MIPEP: variants seen among roughly 807,000 people sequenced by gnomAD.
The protein encoded by MIPEP is mitochondrial intermediate peptidase.
MIPEP carries 79 observed loss-of-function variants against 90.3 expected under a neutral mutation model. The ratio of observed to expected loss-of-function variants is 0.87; its 90% CI spans 0.73 to 1.05. The LOEUF (loss-of-function observed/expected upper bound fraction) is 1.05. MIPEP is among the 50% of genes least tolerant of loss of function. The pLI, the probability that MIPEP is intolerant of heterozygous loss-of-function variation, is 0.00. For missense variants in MIPEP, 940 were observed against 905.6 expected (o/e 1.04, Z -0.49); for synonymous variants, 334 against 315.8 (o/e 1.06, Z -0.61).
intron 14 of MIPEP, among the ~76,000 whole-genome samples, chr13:23,818,367 A>G (rs900127396): frequency 6.6e-6 from 1 of 152,220 alleles, no homozygotes; most frequent in African/African-American, 2.4e-5. Context: ...TAGAGGATGC[A>G]GTGTGACAAG....
intron 16 of MIPEP, among the ~76,000 whole-genome samples, chr13:23,778,589 T>C (rs28627559): frequency 6.6e-5 from 10 of 152,306 alleles, no homozygotes; most frequent in South Asian, 2.1e-4. Flanking sequence ...TTGGTCTATT[T>C]GTTTTTCTTG....
intron 18 of MIPEP, among the ~76,000 whole-genome samples, 158 bp from the exon 19 acceptor site, chr13:23,730,603 G>T (rs1952194360): frequency 6.6e-6 from 1 of 152,208 alleles, no homozygotes; most frequent in South Asian, 2.1e-4. Context: ...AAAGTCATGG[G>T]CAGTGTGTGG....
chr13:23,822,059 T>C (rs1224143774), intron 14 of MIPEP, among the ~76,000 whole-genome samples: 3 of 152,160 alleles, frequency 2.0e-5, no homozygotes, highest in African/African-American at 7.2e-5. Flanking sequence ...GAAAAGCAAT[T>C]ACCCTAACAA....
Position 23,864,197 on chromosome 13 carries a change from G to A in MIPEP, c.944-8C>T, listed in dbSNP as rs1328901622. ...GGAACTGCATGACAGTCTCTAAAAC[G>A]AAATCCAAAAGAAAATATCTTCAAT... On this transcript the variant is annotated splice_region_variant and splice_polypyrimidine_tract_variant and intron_variant, in intron 7 of 18. Transcript: ENST00000382172. 9.8e-6 allele frequency: 15 copies of A among 1,535,196 alleles called. No homozygotes were observed. Among genetic ancestry groups the A allele is most frequent in the Non-Finnish European group, 1.3e-5 (15 of 1,133,582 alleles).
At chr13:23,808,009 G>A (rs17338049) in intron 15 of MIPEP, among the ~76,000 whole-genome samples, 2 of 151,880 alleles carry the variant, frequency 1.3e-5, no homozygotes, top group African/African-American at 4.8e-5. Context: ...GCATTCCTGG[G>A]GCCAAGAAAC....
chr13:23,842,765 G>C (rs1478591520), intron 10 of MIPEP, among the ~76,000 whole-genome samples: 1 of 152,208 alleles, frequency 6.6e-6, no homozygotes, highest in East Asian at 1.9e-4. Context: ...TTTACTTGTG[G>C]AGTGCAGAGT....
At chr13:23,755,840 T>TGCCTTGG (rs1178878265) in intron 18 of MIPEP, among the ~76,000 whole-genome samples, 3 of 151,924 alleles carry the variant, frequency 2.0e-5, no homozygotes, top group Admixed American at 2.0e-4. Context: ...TCTAACCCAA[T>TGCCTTGG]GCCTTGGAAT....
intron 14 of MIPEP, among the ~76,000 whole-genome samples, chr13:23,812,077 A>G (rs1953177772): frequency 6.6e-6 from 1 of 152,218 alleles, no homozygotes; most frequent in Non-Finnish European, 1.5e-5. Flanking sequence ...CATGTAAGCA[A>G]GCACTGCATT....
intron 18 of MIPEP, among the ~76,000 whole-genome samples, chr13:23,732,668 G>A (rs909211473): frequency 7.2e-5 from 11 of 152,204 alleles, no homozygotes; most frequent in Non-Finnish European, 1.5e-4. Context: ...ATGTGAAGCA[G>A]TACATACTGT....
intron 18 of MIPEP, among the ~76,000 whole-genome samples, chr13:23,733,296 G>C (rs1410254593): frequency 6.6e-6 from 1 of 152,192 alleles, no homozygotes; most frequent in African/African-American, 2.4e-5. Flanking sequence ...CTTTTAGGTG[G>C]AGGAGACAAT....
rs138473300 is a variant in MIPEP, at chr13:23,824,597, A to G, written c.1653+11643T>C. Among the ~76,000 whole-genome samples, 946 of 152,336 alleles carry G rather than the reference A, an allele frequency of 6.2e-3. 4 individuals are homozygous for G. Among genetic ancestry groups the G allele is most frequent in the Non-Finnish European group, 9.5e-3 (644 of 68,028 alleles). ...TTCCCAGCTGATCCCATCCCACCCC[A>G]AGCTGTGTGTCACAGCACTGCATTT... On this transcript the variant is annotated intron_variant, in intron 14 of 18. Coordinates refer to ENST00000382172, the MANE Select transcript of MIPEP (RefSeq NM_005932.4).
chr13:23,847,674 G>C (rs1218183076), intron 10 of MIPEP, among the ~76,000 whole-genome samples: 1 of 152,126 alleles, frequency 6.6e-6, no homozygotes, highest in Non-Finnish European at 1.5e-5. Flanking sequence ...GGAAAAAAAT[G>C]AGATAGTACC....
rs1490012088 is a variant in MIPEP at position 23,837,889 on chromosome 13, T to C, written c.1339-133A>G. 10 of 639,330 alleles carry C rather than the reference T, an allele frequency of 1.6e-5. No individual in the cohort carries two copies. In the East Asian group the frequency reaches 2.5e-4, roughly 16 times the overall value. The allele number at this position is 639,330 out of a possible 1,614,324, so 39.6% of individuals were successfully genotyped here. The stretch of plus-strand genomic sequence containing the variant: ...TTAACTTAATTATATTCTTATTCTA[T>C]CTATTTACATATATACACCTTTTCT... On this transcript the variant is annotated intron_variant, in intron 12 of 18. Transcript: ENST00000382172.
intron 16 of MIPEP, among the ~76,000 whole-genome samples, chr13:23,802,868 T>G (rs1185005233): frequency 6.6e-6 from 1 of 152,180 alleles, no homozygotes; most frequent in African/African-American, 2.4e-5. Context: ...GTTAGATGAG[T>G]TTGCCCAACT....
intron 2 of MIPEP, among the ~76,000 whole-genome samples, chr13:23,884,115 A>G (rs1178303976): frequency 6.6e-6 from 1 of 152,124 alleles, no homozygotes; most frequent in Non-Finnish European, 1.5e-5. Context: ...TGCTGGGTGA[A>G]AGAAGTCAGT....
At chr13:23,844,389 G>C (rs994743420) in intron 10 of MIPEP, among the ~76,000 whole-genome samples, 2 of 152,160 alleles carry the variant, frequency 1.3e-5, no homozygotes, top group African/African-American at 4.8e-5. Context: ...CAAGCAGGAA[G>C]CTGAACAAGC....
intron 2 of MIPEP, among the ~76,000 whole-genome samples, chr13:23,882,166 T>C (rs1285439952): frequency 6.6e-6 from 1 of 151,074 alleles, no homozygotes; most frequent in Admixed American, 6.6e-5. Flanking sequence ...GCCTCTCGGG[T>C]TCACGCCATT....
chr13:23,776,633 T>C (rs964219334), intron 16 of MIPEP, among the ~76,000 whole-genome samples: 2 of 152,206 alleles, frequency 1.3e-5, no homozygotes, highest in Non-Finnish European at 2.9e-5. Context: ...AAGTTGTGGT[T>C]TTAGTGTTCT....
intron 18 of MIPEP, among the ~76,000 whole-genome samples, chr13:23,740,365 T>C (rs535055272): frequency 1.1e-3 from 174 of 151,954 alleles, no homozygotes; most frequent in African/African-American, 4.1e-3. Context: ...CCCTCTCCTC[T>C]GCCAAGCCCC....
Sources: gnomAD v4.1 joint callset for allele counts (sites outside exome capture counted in the v4.1 genomes callset) on GRCh38, gnomAD v4.1.1 for gene constraint, MANE v1.5 for transcripts, NCBI Gene and HGNC (gene_info 2026-07-23, HGNC 2026-07-21) for gene names.